Variants in SCARA3 observed in about 807,000 individuals in gnomAD.
The protein encoded by SCARA3 is scavenger receptor class A member 3, also known as cellular stress response gene protein.
In SCARA3, 39 loss-of-function variants were observed where a neutral mutation model predicts 47.0. The observed-to-expected ratio is 0.83, with a 90% CI of 0.64 to 1.08. SCARA3 has a LOEUF of 1.08. Ranked by LOEUF, SCARA3 falls within the 50% of genes least tolerant of loss-of-function variation. The probability of loss-of-function intolerance (pLI) is 0.00; values close to 1 mark genes in which losing one functional copy is unlikely to be tolerated. For synonymous variants in SCARA3, 356 were observed against 334.1 expected (o/e 1.07, Z -0.71); for missense variants, 724 against 792.3 (o/e 0.91, Z 1.04).
At position 27,661,226 on chromosome 8, in the gene SCARA3, C is replaced by T. The variant is rs577759518; in HGVS notation, c.1369+1687C>T. Among the ~76,000 whole-genome samples, 5 of 152,204 alleles carry T rather than the reference C, an allele frequency of 3.3e-5. 1 individual carries two copies. The highest frequency in any genetic ancestry group is 1.2e-4 in the African/African-American group (5 of 41,514). ...ATAAAATTAACCATCACAAGCCCACCCCTTGTCTACTTGGCACCTGTACAC... is the reference window on the plus strand; with the variant it reads ...ATAAAATTAACCATCACAAGCCCACTCCTTGTCTACTTGGCACCTGTACAC... On this transcript the variant is annotated intron_variant, in intron 5 of 5. Coordinates refer to ENST00000301904, the MANE Select transcript of SCARA3 (RefSeq NM_016240.3).
the SCARA3 span, chr8:27,733,627 G>A: frequency 6.6e-6 from 1 of 152,070 alleles, no homozygotes. Flanking sequence ...ATTGTGGTCT[G>A]GTCAGATTTT....
intron 1 of SCARA3, among the ~76,000 whole-genome samples, chr8:27,646,974 C>CCA (rs1801512625): frequency 9.9e-6 from 1 of 100,544 alleles, no homozygotes; most frequent in Non-Finnish European, 2.1e-5. Context: ...CCGCCCCCGC[C>CCA]CCCCCCCCGC....
chr8:27,719,047 C>G, the SCARA3 span, among the ~76,000 whole-genome samples: 3 of 152,302 alleles, frequency 2.0e-5, no homozygotes, highest in East Asian at 5.8e-4. Context: ...GAAATGCAGG[C>G]TCTTCTATTT....
rs533081074 is a variant in SCARA3 at position 27,649,757 on chromosome 8, G to A, written c.63G>A (p.Ala21=). ...TGTGCGTTACAGAAGAGGACCTGGC[G>A]GGTGACGACGAGGACATGCCGACCT... is the stretch of plus-strand genomic sequence containing the variant. The part of the protein sequence containing the change: ...DALCVTEEDL[A]GDDEDMPTFP... Residue 21 remains alanine, a synonymous_variant, in exon 2 of 6, where the codon GCG becomes GCA. Coordinates refer to ENST00000301904, the MANE Select transcript of SCARA3 (RefSeq NM_016240.3). 4.5e-5 allele frequency: 73 copies of A among 1,614,098 alleles called. No homozygotes were observed. Among genetic ancestry groups the A allele is most frequent in the South Asian group, 3.4e-4 (31 of 91,076 alleles).
intron 1 of SCARA3, among the ~76,000 whole-genome samples, chr8:27,647,646 C>T (rs888033182): frequency 3.3e-5 from 5 of 152,182 alleles, no homozygotes; most frequent in African/African-American, 1.2e-4. Context: ...GCCGCATGGA[C>T]AGGAGAGGAG....
the SCARA3 span, among the ~76,000 whole-genome samples, chr8:27,719,946 A>T: frequency 6.6e-6 from 1 of 152,306 alleles, no homozygotes; most frequent in South Asian, 2.1e-4. Context: ...TACAGGAATT[A>T]CAGAAAGCCA....
chr8:27,723,400 C>G, the SCARA3 span, among the ~76,000 whole-genome samples: 3 of 152,212 alleles, frequency 2.0e-5, no homozygotes. Flanking sequence ...TTTTGGCAAC[C>G]TTCTGATTCA....
At chr8:27,731,730 C>T in the SCARA3 span, among the ~76,000 whole-genome samples, 29 of 151,594 alleles carry the variant, frequency 1.9e-4, no homozygotes, top group African/African-American at 6.5e-4. Flanking sequence ...CAAAGACTCT[C>T]CTAAAAGCAA....
chr8:27,633,590 C>G (rs1563396478), upstream of SCARA3, among the ~76,000 whole-genome samples: 1 of 149,458 alleles, frequency 6.7e-6, no homozygotes, highest in Non-Finnish European at 1.5e-5. Context: ...GATCAAGGAG[C>G]TCTCCCGGTG....
the SCARA3 span, among the ~76,000 whole-genome samples, chr8:27,700,781 A>T: frequency 6.6e-6 from 1 of 152,214 alleles, no homozygotes; most frequent in African/African-American, 2.4e-5. Flanking sequence ...AAAACCAACA[A>T]TACAAAATGT....
Position 27,672,318 on chromosome 8 carries a change from G to T in SCARA3, c.*967G>T. On this transcript the variant is annotated 3_prime_UTR_variant, in exon 6 of 6. Coordinates refer to ENST00000301904, the MANE Select transcript of SCARA3 (RefSeq NM_016240.3). ...AAGCAGGAGTTTCATCTGCATGGGGGCACTCTGCAGGCCCTGGAACATTGG... is the reference window on the plus strand; with the variant it reads ...AAGCAGGAGTTTCATCTGCATGGGGTCACTCTGCAGGCCCTGGAACATTGG... The T allele has an allele frequency of 1.0e-6, 1 of 985,480 alleles. No individual in the cohort carries two copies. The highest frequency in any genetic ancestry group is 5.2e-4 in the Middle Eastern group (1 of 1,914). The allele number at this position is 985,480 out of a possible 1,614,324, so 61.0% of individuals were successfully genotyped here.
In SCARA3 at chr8:27,634,186, C is replaced by T; in HGVS notation, c.-15C>T. 7.0e-7 allele frequency: 1 copy of T among 1,426,816 alleles called. No individual in the cohort carries two copies. The highest frequency in any genetic ancestry group is 9.1e-7 in the Non-Finnish European group (1 of 1,095,366). The allele number at this position is 1,426,816 out of a possible 1,614,324, so 88.4% of individuals were successfully genotyped here. A position where few individuals can be genotyped will look rare whatever the true frequency, so the allele number is the denominator to read the frequency against. ...CCTGCAGCGGGGCCCTCCTGAGGCC[C>T]CAGAGGAAGAGACCATGAAAGGTAA... On this transcript the variant is annotated 5_prime_UTR_variant, in exon 1 of 6. Transcript: ENST00000301904.
chr8:27,660,465 A>C (rs1332006252), intron 5 of SCARA3, among the ~76,000 whole-genome samples: 1 of 150,948 alleles, frequency 6.6e-6, no homozygotes. Context: ...TAGTGTATAG[A>C]GATAGATGAT....
At chr8:27,734,038 T>C in the SCARA3 span, 1 of 152,122 alleles carries the variant, frequency 6.6e-6, no homozygotes, top group Non-Finnish European at 1.5e-5. Flanking sequence ...TTAAAGACAA[T>C]ACAATAAAAC....
downstream of SCARA3, among the ~76,000 whole-genome samples, chr8:27,680,355 A>T (rs1802339212): frequency 6.6e-6 from 1 of 152,050 alleles, no homozygotes; most frequent in African/African-American, 2.4e-5. Context: ...GGGAAGAAAC[A>T]ACAATAGTAA....
At chr8:27,661,083 G>C (rs1383634352) in intron 5 of SCARA3, among the ~76,000 whole-genome samples, 1 of 152,094 alleles carries the variant, frequency 6.6e-6, no homozygotes, top group Non-Finnish European at 1.5e-5. Flanking sequence ...GCTCACGCCA[G>C]GGAGGGCAAT....
At chr8:27,661,215 C>T (rs1286814175) in intron 5 of SCARA3, among the ~76,000 whole-genome samples, 1 of 152,164 alleles carries the variant, frequency 6.6e-6, no homozygotes, top group Non-Finnish European at 1.5e-5. Context: ...AATTAACCAT[C>T]ACAAGCCCAC....
chr8:27,671,704 A>G lies in SCARA3; in HGVS notation c.*353A>G. ...CACGTGCACACATACACAGGCACAC[A>G]TGCATGCACACATACACATGCACAC... On this transcript the variant is annotated 3_prime_UTR_variant, in exon 6 of 6. Transcript: ENST00000301904. The G allele has an allele frequency of 9.4e-7, 1 of 1,061,336 alleles. No individual in the cohort carries two copies. Among genetic ancestry groups the G allele is most frequent in the Non-Finnish European group, 1.1e-6 (1 of 875,850 alleles). The allele number at this position is 1,061,336 out of a possible 1,614,324, so 65.7% of individuals were successfully genotyped here.
chr8:27,718,494 C>A, the SCARA3 span, among the ~76,000 whole-genome samples: 3 of 151,866 alleles, frequency 2.0e-5, no homozygotes, highest in Non-Finnish European at 4.4e-5. Context: ...ACTTCACAGA[C>A]CCCCAGTGCC....
Sources: allele counts gnomAD v4.1 joint callset (sites outside exome capture counted in the v4.1 genomes callset), GRCh38; gene constraint gnomAD v4.1.1; transcripts MANE v1.5; gene names NCBI Gene and HGNC (gene_info 2026-07-23, HGNC 2026-07-21).